The following DUS2 variants were observed in gnomAD, a reference collection of about 807,000 sequenced individuals.
The protein encoded by DUS2 is dihydrouridine synthase 2, also known as tRNA-dihydrouridine(20) synthase [NAD(P)+]-like.
Under a neutral mutation model 71.3 loss-of-function variants are expected in DUS2, and 52 were observed. The observed-to-expected ratio is 0.73, with a 90% CI of 0.58 to 0.92. DUS2 has a LOEUF of 0.92. Ranked by LOEUF, DUS2 falls within the 40% of genes least tolerant of loss-of-function variation. The pLI, the probability that DUS2 is intolerant of heterozygous loss-of-function variation, is 0.00. For missense variants in DUS2, 558 were observed against 622.6 expected, an observed-to-expected ratio of 0.90 and a Z score of 1.10; for synonymous variants, 204 against 227.8, an observed-to-expected ratio of 0.90 and a Z score of 0.94.
chr16:68,056,212 A>G (rs763904725), intron 6 of DUS2, 152 bp from the exon 7 acceptor site: 117 of 603,194 alleles, frequency 1.9e-4, no homozygotes, highest in South Asian at 1.0e-3. Context: ...TTTCTTTCCC[A>G]TTTTTCAGCT....
rs776591207 is a variant in DUS2, at chr16:68,076,638, A to C, written c.1089A>C (p.Ala363=). ...IKMAVKFDRR[A]YPAQITPKMC... ...CTTCCCTTCCTTTCCCCAGGAGAGC[A>C]TACCCAGCCCAGATCACCCCTAAGA... Residue 363 remains alanine, a synonymous_variant, in exon 15 of 17, where the codon GCA becomes GCC. Transcript: ENST00000565263. The C allele has an allele frequency of 1.1e-5, 17 of 1,613,708 alleles. No individual in the cohort carries two copies. In the South Asian group the frequency reaches 1.9e-4, roughly 18 times the overall value.
chr16:68,041,851 GT>G (rs904374820), intron 3 of DUS2, among the ~76,000 whole-genome samples: 60 of 145,880 alleles, frequency 4.1e-4, no homozygotes, highest in Non-Finnish European at 5.0e-4. Flanking sequence ...ATTTTTAAAA[GT>G]TTTTTTTTTC....
chr16:68,075,500 G>T lies in DUS2; in HGVS notation c.1078G>T (p.Asp360Tyr). 6.2e-7 allele frequency: 1 copy of T among 1,611,334 alleles called. No individual in the cohort carries two copies. The highest frequency in any genetic ancestry group is 1.1e-5 in the South Asian group (1 of 90,300). The change falls in exon 14 of 17, where the codon GAC becomes TAC. Residue 360 changes from aspartate (D) to tyrosine (Y), a missense_variant. Physicochemically the swap from Asp to Tyr is radical, Grantham distance 160. Coordinates refer to ENST00000565263, the MANE Select transcript of DUS2 (RefSeq NM_017803.5). Reference sequence around the variant, plus strand: ...TGTCATTAAGATGGCTGTCAAGTTTGACCGGTAGGTCTCCAGCTTGGCCTC... The same window carrying T: ...TGTCATTAAGATGGCTGTCAAGTTTTACCGGTAGGTCTCCAGCTTGGCCTC... ...SGVIKMAVKF[D>Y]RRAYPAQITP...
chr16:68,031,983 C>T (rs1179647464), intron 2 of DUS2, among the ~76,000 whole-genome samples: 2 of 152,208 alleles, frequency 1.3e-5, no homozygotes, highest in African/African-American at 4.8e-5. Context: ...GCATGAGCCA[C>T]CTCGCCCAGC....
intron 15 of DUS2, among the ~76,000 whole-genome samples, chr16:68,076,943 T>C (rs1257767728): frequency 1.3e-5 from 2 of 152,042 alleles, no homozygotes; most frequent in Non-Finnish European, 2.9e-5. Context: ...AGAGTCTAAT[T>C]TTTATTTTTT....
intron 2 of DUS2, among the ~76,000 whole-genome samples, chr16:68,029,998 A>G (rs946162745): frequency 2.0e-5 from 3 of 150,470 alleles, no homozygotes; most frequent in Non-Finnish European, 1.5e-5. Context: ...CTCCCGCCTC[A>G]GCCTCCCAAA....
chr16:68,034,429 G>T (rs1427632317), intron 2 of DUS2, among the ~76,000 whole-genome samples: 2 of 151,958 alleles, frequency 1.3e-5, no homozygotes, highest in Non-Finnish European at 2.9e-5. Flanking sequence ...TGTTGGTCAG[G>T]CTGGTGTTGA....
At chr16:68,072,754 C>T (rs1837887529) in intron 12 of DUS2, among the ~76,000 whole-genome samples, 1 of 152,182 alleles carries the variant, frequency 6.6e-6, no homozygotes, top group African/African-American at 2.4e-5. Flanking sequence ...CCACCTTCAC[C>T]CAATACTGCT....
intron 7 of DUS2, among the ~76,000 whole-genome samples, chr16:68,056,806 T>C (rs1018019629): frequency 1.1e-4 from 16 of 146,550 alleles, no homozygotes; most frequent in African/African-American, 4.0e-4. Context: ...ATAGATTATA[T>C]ATATTTTATT....
chr16:68,055,410 C>T (rs1033379340), intron 6 of DUS2, among the ~76,000 whole-genome samples: 5 of 152,032 alleles, frequency 3.3e-5, no homozygotes, highest in South Asian at 4.1e-4. Context: ...GCCTCCATTG[C>T]GCCACTGGAC....
chr16:68,024,635 A>C (rs2033317067), intron 1 of DUS2, among the ~76,000 whole-genome samples: 1 of 152,156 alleles, frequency 6.6e-6, no homozygotes, highest in South Asian at 2.1e-4. Flanking sequence ...TGTGCTACAC[A>C]ATTAGACTTT....
chr16:68,033,354 G>C (rs2033468412), intron 2 of DUS2, among the ~76,000 whole-genome samples: 1 of 152,070 alleles, frequency 6.6e-6, no homozygotes, highest in African/African-American at 2.4e-5. Flanking sequence ...ATGAGTAATT[G>C]GGAGACTGGA....
Position 68,061,058 on chromosome 16 carries a change from C to T in DUS2, c.370-8C>T. 3.1e-6 allele frequency: 5 copies of T among 1,613,896 alleles called. No individual in the cohort carries two copies. The highest frequency in any genetic ancestry group is 4.2e-6 in the Non-Finnish European group (5 of 1,179,870). ...ATGTAAGAAGACCTTTTGTGTGTTTCTCCTTAGGGAGGAATGGGAGCTGCC... is the reference window on the plus strand; with the variant it reads ...ATGTAAGAAGACCTTTTGTGTGTTTTTCCTTAGGGAGGAATGGGAGCTGCC... On this transcript the variant is annotated splice_polypyrimidine_tract_variant and splice_region_variant and intron_variant, in intron 7 of 16. Transcript: ENST00000565263.
At chr16:68,052,009 G>C (rs1384457261) in intron 4 of DUS2, among the ~76,000 whole-genome samples, 1 of 151,432 alleles carries the variant, frequency 6.6e-6, no homozygotes, top group Non-Finnish European at 1.5e-5. Context: ...AGAGATTCTT[G>C]TGCCTCAGCC....
chr16:68,024,892 T>C (rs553037831), intron 1 of DUS2, among the ~76,000 whole-genome samples: 2 of 150,268 alleles, frequency 1.3e-5, no homozygotes, highest in Admixed American at 1.3e-4. Flanking sequence ...AGTACAGTGG[T>C]GCGATGTCAG....
intron 7 of DUS2, among the ~76,000 whole-genome samples, chr16:68,058,128 G>A (rs1221268827): frequency 1.3e-5 from 2 of 151,998 alleles, no homozygotes; most frequent in African/African-American, 4.8e-5. Flanking sequence ...TTGACCAGAG[G>A]TTTGTCGAGT....
intron 2 of DUS2, among the ~76,000 whole-genome samples, chr16:68,027,919 A>C (rs2033378829): frequency 6.6e-6 from 1 of 152,124 alleles, no homozygotes; most frequent in Non-Finnish European, 1.5e-5. Context: ...GGGAACTAGA[A>C]ATATTTAAGA....
At chr16:68,052,979 T>C (rs1178253229) in intron 4 of DUS2, among the ~76,000 whole-genome samples, 1 of 151,004 alleles carries the variant, frequency 6.6e-6, no homozygotes, top group East Asian at 1.9e-4. Context: ...TTTTTTTTTT[T>C]CGAGACGGAG....
At chr16:68,033,208 G>A (rs1315119328) in intron 2 of DUS2, among the ~76,000 whole-genome samples, 1 of 152,156 alleles carries the variant, frequency 6.6e-6, no homozygotes, top group African/African-American at 2.4e-5. Context: ...TAAAGTCCTG[G>A]CAACAGATGA....
Sources: allele counts gnomAD v4.1 joint callset (sites outside exome capture counted in the v4.1 genomes callset), GRCh38; gene constraint gnomAD v4.1.1; transcripts MANE v1.5; gene names NCBI Gene and HGNC (gene_info 2026-07-23, HGNC 2026-07-21).